Variants in LSAMP observed in about 807,000 individuals in gnomAD.
LSAMP encodes limbic system-associated membrane protein.
A neutral mutation model predicts 38.6 loss-of-function variants in LSAMP; 7 were observed. That is an observed-to-expected ratio of 0.18 (90% CI 0.10 to 0.34). LSAMP has a LOEUF of 0.34. Ranked by LOEUF, LSAMP falls within the 10% of genes least tolerant of loss-of-function variation. The probability of loss-of-function intolerance (pLI) is 1.00; values close to 1 mark genes in which losing one functional copy is unlikely to be tolerated. For synonymous variants in LSAMP, 154 were observed against 166.8 expected (o/e 0.92, Z 0.59); for missense variants, 313 against 420.0 (o/e 0.75, Z 2.23).
At chr3:116,330,145 G>A (rs2047829376) in intron 1 of LSAMP, among the ~76,000 whole-genome samples, 1 of 152,166 alleles carries the variant, frequency 6.6e-6, no homozygotes, top group South Asian at 2.1e-4. Context: ...TCCTCATTGA[G>A]ACAACAATTG....
Position 116,267,144 on chromosome 3 carries a change from A to G in LSAMP, c.155+177733T>C, listed in dbSNP as rs76073068. Among the ~76,000 whole-genome samples the G allele has an allele frequency of 2.4e-3, 360 of 152,242 alleles. 7 individuals are homozygous for G. The East Asian group carries it at 0.062, about 26-fold the overall frequency. ...ACTGTATACACTGAGCTGGAATGCA[A>G]GGCAGATGTTACATTTTTTTTTGAA... On this transcript the variant is annotated intron_variant, in intron 1 of 6. Coordinates refer to ENST00000490035, the MANE Select transcript of LSAMP (RefSeq NM_002338.5).
chr3:116,092,758 TG>T (rs1272228162), intron 1 of LSAMP, among the ~76,000 whole-genome samples: 1 of 152,138 alleles, frequency 6.6e-6, no homozygotes, highest in Non-Finnish European at 1.5e-5. Context: ...TGAATATAAC[TG>T]GAGGTAGAAA....
chr3:116,210,605 G>C (rs374980884), intron 1 of LSAMP, among the ~76,000 whole-genome samples: 1 of 152,172 alleles, frequency 6.6e-6, no homozygotes, highest in African/African-American at 2.4e-5. Flanking sequence ...TGGCTCCTCA[G>C]CTTGCAGACA....
chr3:116,347,100 T>C (rs2048073309), intron 1 of LSAMP, among the ~76,000 whole-genome samples: 1 of 152,192 alleles, frequency 6.6e-6, no homozygotes, highest in Admixed American at 6.5e-5. Context: ...TGGAACAATA[T>C]ACAGCAAGTA....
intron 1 of LSAMP, among the ~76,000 whole-genome samples, chr3:116,275,919 G>C (rs959047012): frequency 1.7e-4 from 26 of 152,180 alleles, no homozygotes; most frequent in African/African-American, 5.5e-4. Context: ...GATAGAATGG[G>C]TGAAATTATG....
chr3:116,111,175 T>G (rs1430853238), intron 1 of LSAMP, among the ~76,000 whole-genome samples: 1 of 152,196 alleles, frequency 6.6e-6, no homozygotes, highest in African/African-American at 2.4e-5. Context: ...TCTGGGCATA[T>G]ACGTGCAAGT....
intron 3 of LSAMP, among the ~76,000 whole-genome samples, chr3:115,862,182 T>G (rs373037218): frequency 4.6e-5 from 7 of 152,274 alleles, no homozygotes; most frequent in African/African-American, 1.7e-4. Flanking sequence ...ATCAGAACTG[T>G]GGGGGTATTA....
intron 1 of LSAMP, among the ~76,000 whole-genome samples, chr3:116,158,788 A>G (rs765855248): frequency 2.6e-5 from 4 of 152,188 alleles, no homozygotes; most frequent in Non-Finnish European, 5.9e-5. Context: ...AGCAATTTAC[A>G]GATTCAGAGA....
At chr3:116,310,634 G>C (rs1485592762) in intron 1 of LSAMP, among the ~76,000 whole-genome samples, 2 of 152,062 alleles carry the variant, frequency 1.3e-5, no homozygotes, top group Non-Finnish European at 2.9e-5. Context: ...TTGAAGTTGT[G>C]ATTCTATATT....
intron 1 of LSAMP, among the ~76,000 whole-genome samples, chr3:116,155,102 C>A (rs1709714153): frequency 6.6e-6 from 1 of 151,964 alleles, no homozygotes; most frequent in Non-Finnish European, 1.5e-5. Context: ...CACATAACAC[C>A]AGACACTTCT....
chr3:116,140,776 A>C (rs1217652992), intron 1 of LSAMP, among the ~76,000 whole-genome samples: 1 of 151,966 alleles, frequency 6.6e-6, no homozygotes, highest in Non-Finnish European at 1.5e-5. Context: ...ATACAGATAA[A>C]ATGAGTATCT....
chr3:116,296,565 G>C (rs2047337589), intron 1 of LSAMP, among the ~76,000 whole-genome samples: 1 of 151,806 alleles, frequency 6.6e-6, no homozygotes, highest in Non-Finnish European at 1.5e-5. Context: ...TGCCGTGGCG[G>C]GCGCCCGTAG....
At chr3:115,997,869 A>G (rs1939869736) in intron 3 of LSAMP, among the ~76,000 whole-genome samples, 1 of 145,486 alleles carries the variant, frequency 6.9e-6, no homozygotes, top group African/African-American at 2.5e-5. Context: ...ATATTAGAAT[A>G]TACAATATAC....
At chr3:115,985,258 C>T (rs193116445) in intron 3 of LSAMP, among the ~76,000 whole-genome samples, 132 of 152,190 alleles carry the variant, frequency 8.7e-4, no homozygotes, top group Non-Finnish European at 1.6e-3. Context: ...GTTGCTGGAA[C>T]AAAAATACAA....
intron 1 of LSAMP, among the ~76,000 whole-genome samples, chr3:116,100,228 C>T (rs1467241673): frequency 6.6e-6 from 1 of 151,852 alleles, no homozygotes; most frequent in Non-Finnish European, 1.5e-5. Flanking sequence ...AATACAGGTG[C>T]ATGCCACCAC....
chr3:116,025,087 T>C (rs986162584), intron 2 of LSAMP, among the ~76,000 whole-genome samples: 5 of 151,922 alleles, frequency 3.3e-5, no homozygotes. Flanking sequence ...TTTTTTATTT[T>C]TCAAAATCAC....
intron 6 of LSAMP, among the ~76,000 whole-genome samples, chr3:115,825,219 GCT>G (rs1433685999): frequency 2.0e-5 from 3 of 152,204 alleles, no homozygotes; most frequent in African/African-American, 7.2e-5. Context: ...ATGTTGGTAT[GCT>G]CTGAGTCACC....
chr3:116,031,538 C>CTTTTT lies in LSAMP; in HGVS notation c.389-11903_389-11899dup, dbSNP rs56951507. ...CATGCCTACATAACTAGCCTAAATT[C>CTTTTT]TTTTTTTTTTTTTTTTTTTTTTTTT... On this transcript the variant is annotated intron_variant, in intron 2 of 6. Coordinates refer to ENST00000490035, the MANE Select transcript of LSAMP (RefSeq NM_002338.5). Among the ~76,000 whole-genome samples, 28 of 60,276 alleles carry CTTTTT rather than the reference C, an allele frequency of 4.6e-4. 1 individual carries two copies. The highest frequency in any genetic ancestry group is 6.7e-4 in the East Asian group (1 of 1,482). The allele number at this position is 60,276 out of a possible 152,430, so 39.5% of individuals were successfully genotyped here.
intron 3 of LSAMP, among the ~76,000 whole-genome samples, chr3:115,985,562 A>G (rs888153672): frequency 6.6e-6 from 1 of 152,194 alleles, no homozygotes; most frequent in Non-Finnish European, 1.5e-5. Context: ...TACAGTTGGT[A>G]TGAGTGACCA....
Sources: gnomAD v4.1 joint callset for allele counts (sites outside exome capture counted in the v4.1 genomes callset) on GRCh38, gnomAD v4.1.1 for gene constraint, MANE v1.5 for transcripts, NCBI Gene and HGNC (gene_info 2026-07-23, HGNC 2026-07-21) for gene names.